Variants in CASP8 observed in about 807,000 individuals in gnomAD.
The protein encoded by CASP8 is caspase-8.
A neutral mutation model predicts 46.3 loss-of-function variants in CASP8; 24 were observed. The observed-to-expected ratio is 0.52, with a 90% CI of 0.38 to 0.73. CASP8 has a LOEUF of 0.73. Among genes scored for constraint, CASP8 ranks in the 30% least tolerant of loss-of-function variants. The pLI is 0.00. For synonymous variants in CASP8, 188 were observed against 200.4 expected (o/e 0.94, Z 0.52); for missense variants, 460 against 559.0 (o/e 0.82, Z 1.79).
intron 2 of CASP8, among the ~76,000 whole-genome samples, chr2:201,268,009 A>G (rs1202440917): frequency 1.3e-5 from 2 of 152,112 alleles, no homozygotes; most frequent in Non-Finnish European, 2.9e-5. Flanking sequence ...TCACTGCAAC[A>G]TCTACCTCCA....
chr2:201,237,085 A>ATTTTTTTTTT (rs34775964), intron 2 of CASP8, among the ~76,000 whole-genome samples: 3 of 88,104 alleles, frequency 3.4e-5, no homozygotes, highest in African/African-American at 1.4e-4. Context: ...ACCCCTTTCT[A>ATTTTTTTTTT]TTTTTTTTTT....
intron 1 of CASP8, chr2:201,262,224 C>T (rs1205264700): frequency 6.6e-6 from 1 of 151,984 alleles, no homozygotes; most frequent in Non-Finnish European, 1.5e-5. Context: ...AGCTTATTTC[C>T]AAGCCGTGAT....
At chr2:201,277,868 T>C (rs1376209665) in intron 7 of CASP8, 3 of 265,956 alleles carry the variant, frequency 1.1e-5, no homozygotes, top group Admixed American at 5.3e-5. Flanking sequence ...ACATGGCTAA[T>C]TTTTGTATTT....
chr2:201,267,416 C>T (rs1258525327), intron 2 of CASP8, among the ~76,000 whole-genome samples: 1 of 152,126 alleles, frequency 6.6e-6, no homozygotes, highest in African/African-American at 2.4e-5. Context: ...AGCTGTAAGC[C>T]GCTGGCCTGG....
intron 2 of CASP8, among the ~76,000 whole-genome samples, chr2:201,249,518 T>C (rs1340811207): frequency 6.6e-6 from 1 of 152,252 alleles, no homozygotes; most frequent in African/African-American, 2.4e-5. Context: ...CATCTGCGTA[T>C]CTTTTTGTGA....
chr2:201,254,408 A>C (rs950075152), intron 2 of CASP8, among the ~76,000 whole-genome samples: 12 of 152,234 alleles, frequency 7.9e-5, no homozygotes, highest in African/African-American at 2.9e-4. Flanking sequence ...GATAGATGTG[A>C]ATGGAATCTG....
intron 8 of CASP8, among the ~76,000 whole-genome samples, chr2:201,285,789 T>C (rs1308116020): frequency 6.6e-6 from 1 of 152,202 alleles, no homozygotes. Context: ...AGTTCTATAA[T>C]AGCAAACCAT....
Position 201,282,114 on chromosome 2 carries a change from T to A in CASP8, c.803-2702T>A, listed in dbSNP as rs1306632252. Among the ~76,000 whole-genome samples, 2 of 63,870 alleles carry A rather than the reference T, an allele frequency of 3.1e-5. 1 individual carries two copies. Among genetic ancestry groups the A allele is most frequent in the African/African-American group, 1.1e-4 (2 of 18,768 alleles). The allele number at this position is 63,870 out of a possible 152,430, so 41.9% of individuals were successfully genotyped here. A position where few individuals can be genotyped will look rare whatever the true frequency, so the allele number is the denominator to read the frequency against. On this transcript the variant is annotated intron_variant, in intron 7 of 8. Transcript: ENST00000673742. ...CGCAGTGTTTGTGTCCCTGGGTACTTAAGATTAGGGAGTGGTGATGACTCT... is the reference window on the plus strand; with the variant it reads ...CGCAGTGTTTGTGTCCCTGGGTACTAAAGATTAGGGAGTGGTGATGACTCT...
In CASP8 at chr2:201,272,969, AT is replaced by A. The variant is rs2125260522; in HGVS notation, c.595+30del. 1 of 1,598,982 alleles carries A rather than the reference AT, an allele frequency of 6.3e-7. No homozygotes were observed. Among genetic ancestry groups the A allele is most frequent in the Non-Finnish European group, 8.6e-7 (1 of 1,167,112 alleles). ...TAATGCTTGGAGATACATTTTCAAGATTTAGTTAATTTACTATCTGGTACCT... is the reference window on the plus strand; with the variant it reads ...TAATGCTTGGAGATACATTTTCAAGATTAGTTAATTTACTATCTGGTACCT... On this transcript the variant is annotated intron_variant, in intron 5 of 8. Coordinates refer to ENST00000673742, the MANE Select transcript of CASP8 (RefSeq NM_001372051.1). This position sits in a 1 kb window ranked among gnomAD's most constrained non-coding sequence, Gnocchi z 4.4.
At chr2:201,262,798 C>G (rs1463982074) in intron 1 of CASP8, among the ~76,000 whole-genome samples, 1 of 152,160 alleles carries the variant, frequency 6.6e-6, no homozygotes, top group Non-Finnish European at 1.5e-5. Context: ...GATGTCTCTC[C>G]CCTTACAGTG....
At chr2:201,280,637 C>T (rs554710648) in intron 7 of CASP8, among the ~76,000 whole-genome samples, 46 of 152,120 alleles carry the variant, frequency 3.0e-4, no homozygotes, top group Non-Finnish European at 6.0e-4. Context: ...GGTTATGCTC[C>T]AGCAAAGGAA....
chr2:201,280,641 A>G (rs1406680174), intron 7 of CASP8, among the ~76,000 whole-genome samples: 2 of 152,242 alleles, frequency 1.3e-5, no homozygotes, highest in African/African-American at 2.4e-5. Flanking sequence ...ATGCTCCAGC[A>G]AAGGAAACTG....
rs916754271 is a variant in CASP8 at position 201,248,741 on chromosome 2, A to G, written c.-27+14629A>G. 5.9e-5 allele frequency among the ~76,000 whole-genome samples: 9 copies of G among 152,212 alleles called. No homozygotes were observed. In the East Asian group the frequency reaches 1.7e-3, roughly 29 times the overall value. On this transcript the variant is annotated intron_variant, in intron 2 of 6. Coordinates refer to the CASP8 transcript ENST00000264274. ...TCTAGCCTGCCTCTTCACTCTCTTA[A>G]TGGTATCATTTTTCTGAAAAGAAGC...
At chr2:201,255,361 AGCCACTGTGCCTG>A (rs1480086374) in intron 2 of CASP8, among the ~76,000 whole-genome samples, 1 of 152,226 alleles carries the variant, frequency 6.6e-6, no homozygotes, top group Admixed American at 6.5e-5. Context: ...TACAGGGGTA[AGCCACTGTGCCTG>A]GCCATAATTC....
At chr2:201,242,453 C>T (rs770247783) in intron 2 of CASP8, 13 of 152,068 alleles carry the variant, frequency 8.5e-5, no homozygotes, top group East Asian at 5.8e-4. Flanking sequence ...GGTGATGGAG[C>T]GCTCTGGGAT....
Position 201,253,588 on chromosome 2 carries a change from C to T in CASP8, c.-26-12873C>T, listed in dbSNP as rs541760257. 1.1e-4 allele frequency among the ~76,000 whole-genome samples: 16 copies of T among 152,098 alleles called. 1 individual carries two copies. The highest frequency in any genetic ancestry group is 3.9e-4 in the East Asian group (2 of 5,174). Reference sequence around the variant, plus strand: ...CTGGGTGGTGGGAATGGTTGCATAACGACGTGAATGTACTTGATGTCACTT... The same window carrying T: ...CTGGGTGGTGGGAATGGTTGCATAATGACGTGAATGTACTTGATGTCACTT... On this transcript the variant is annotated intron_variant, in intron 2 of 6. Coordinates refer to the CASP8 transcript ENST00000264274.
chr2:201,256,823 T>C (rs1051841440), upstream of CASP8, among the ~76,000 whole-genome samples: 5 of 152,168 alleles, frequency 3.3e-5, no homozygotes, highest in African/African-American at 9.7e-5. Flanking sequence ...ATGTACAAGA[T>C]GTGAAAGCAA....
chr2:201,234,671 C>T (rs1473594723), intron 2 of CASP8, among the ~76,000 whole-genome samples: 3 of 151,670 alleles, frequency 2.0e-5, no homozygotes, highest in African/African-American at 7.3e-5. Context: ...GTTGGCCAGG[C>T]TGGTCTCAAA....
intron 1 of CASP8, chr2:201,233,681 A>C (rs1945918806): frequency 6.6e-6 from 1 of 152,214 alleles, no homozygotes. Context: ...CTTACCAAGC[A>C]GTTCTTTTCC....
Sources: allele counts gnomAD v4.1 joint callset (sites outside exome capture counted in the v4.1 genomes callset), GRCh38; gene constraint gnomAD v4.1.1; non-coding constraint Gnocchi (gnomAD v3.1); transcripts MANE v1.5; gene names NCBI Gene and HGNC (gene_info 2026-07-23, HGNC 2026-07-21).